Variants in PSMA6 observed in about 807,000 individuals in gnomAD.
The protein encoded by PSMA6 is proteasome subunit alpha type-6.
For synonymous variants in PSMA6, 88 were observed against 97.7 expected (o/e 0.90, Z 0.59); for missense variants, 170 against 294.8 (o/e 0.58, Z 3.10).
upstream of PSMA6, among the ~76,000 whole-genome samples, chr14:35,290,843 T>G (rs1173741671): frequency 2.6e-5 from 4 of 152,200 alleles, no homozygotes; most frequent in Non-Finnish European, 5.9e-5. Context: ...CACCTGCTCT[T>G]CTCCCGGAGC....
At chr14:35,290,015 C>T (rs748552807), upstream of PSMA6, among the ~76,000 whole-genome samples, 1 of 151,284 alleles carries the variant, frequency 6.6e-6, no homozygotes, top group Non-Finnish European at 1.5e-5. Context: ...AAAGTTTTGG[C>T]TCTGAAGACT....
intron 1 of PSMA6, among the ~76,000 whole-genome samples, chr14:35,303,632 T>C (rs530808547): frequency 2.2e-4 from 34 of 152,336 alleles, no homozygotes; most frequent in Non-Finnish European, 3.8e-4. Context: ...TGTGGAGGGC[T>C]GATCTGATAG....
intron 1 of PSMA6, among the ~76,000 whole-genome samples, chr14:35,297,069 T>C (rs1307752056): frequency 1.4e-5 from 2 of 138,472 alleles, no homozygotes. Flanking sequence ...TTATGTAGCC[T>C]ACAAGTTTAG....
At chr14:35,297,146 T>G (rs1365081300) in intron 1 of PSMA6, among the ~76,000 whole-genome samples, 1 of 141,504 alleles carries the variant, frequency 7.1e-6, no homozygotes, top group African/African-American at 2.9e-5. Flanking sequence ...TTTTTTTTTT[T>G]GCCACACAGC....
At position 35,317,446 on chromosome 14, in the gene PSMA6, T is replaced by C; in HGVS notation, c.*140T>C. 4.5e-6 allele frequency: 3 copies of C among 672,300 alleles called. No individual in the cohort carries two copies. Among genetic ancestry groups the C allele is most frequent in the Admixed American group, 5.3e-5 (2 of 37,976 alleles). The allele number at this position is 672,300 out of a possible 1,614,324, so 41.6% of individuals were successfully genotyped here. The stretch of plus-strand genomic sequence containing the variant: ...CCACCGAAGTGGTTAGGACTCTATA[T>C]AAATAAAAACAAGGCTTTTGGAAAA... On this transcript the variant is annotated 3_prime_UTR_variant, in exon 7 of 7. Transcript: ENST00000261479.
At chr14:35,293,061 A>G in intron 1 of PSMA6, 1 of 455,102 alleles carries the variant, frequency 2.2e-6, no homozygotes, top group Non-Finnish European at 4.4e-6. Context: ...TTCTATACTG[A>G]AGCTCACAGC....
At chr14:35,310,705 C>CTA in intron 3 of PSMA6, 35 bp from the exon 4 acceptor site, 1 of 1,608,792 alleles carries the variant, frequency 6.2e-7, no homozygotes, top group East Asian at 2.2e-5. Context: ...TTCTTTCCTT[C>CTA]TAACCAGGTA....
intron 1 of PSMA6, among the ~76,000 whole-genome samples, chr14:35,282,605 C>T (rs985557171): frequency 5.3e-5 from 8 of 152,024 alleles, no homozygotes; most frequent in African/African-American, 1.7e-4. Flanking sequence ...ATACTTTGCA[C>T]TTTGGGAGGT....
intron 1 of PSMA6, among the ~76,000 whole-genome samples, chr14:35,304,533 C>T (rs2051783824): frequency 6.6e-6 from 1 of 152,032 alleles, no homozygotes; most frequent in Non-Finnish European, 1.5e-5. Context: ...AGTTCAAGAC[C>T]AGCCTGGCCA....
At chr14:35,292,747 C>A in intron 1 of PSMA6, 195 bp downstream of exon 1, 1 of 1,086,630 alleles carries the variant, frequency 9.2e-7, no homozygotes, top group Non-Finnish European at 1.3e-6. Flanking sequence ...GGCCTGAAGG[C>A]CTGTCTCTGC....
At chr14:35,304,315 C>A (rs1215846972) in intron 1 of PSMA6, among the ~76,000 whole-genome samples, 1 of 152,066 alleles carries the variant, frequency 6.6e-6, no homozygotes, top group African/African-American at 2.4e-5. Context: ...TATACATAGG[C>A]GATGTGCAAA....
intron 5 of PSMA6, 59 bp downstream of exon 5, chr14:35,313,118 G>A: frequency 7.1e-7 from 1 of 1,406,692 alleles, no homozygotes; most frequent in Non-Finnish European, 9.5e-7. Flanking sequence ...GAGGATCTTT[G>A]TATAATTTCT....
chr14:35,306,847 T>C (rs910652519), intron 1 of PSMA6, among the ~76,000 whole-genome samples: 2 of 152,184 alleles, frequency 1.3e-5, no homozygotes, highest in African/African-American at 2.4e-5. Context: ...AGGTTTGTTA[T>C]AGATGGAGTC....
rs925225851 is a variant in PSMA6, at chr14:35,292,449, TTG to T, written c.-24_-23del. The T allele has an allele frequency of 1.2e-5, 20 of 1,604,648 alleles. No homozygotes were observed. Among genetic ancestry groups the T allele is most frequent in the Non-Finnish European group, 1.6e-5 (19 of 1,175,672 alleles). On this transcript the variant is annotated 5_prime_UTR_variant, in exon 1 of 7. Transcript: ENST00000261479. ...GTGCGGGAGCTACGGGGCCCAGGGATTGTGTTTAAAGTAGTGCTTCTACCAAC... is the reference window on the plus strand; with the variant it reads ...GTGCGGGAGCTACGGGGCCCAGGGATTGTTTAAAGTAGTGCTTCTACCAAC...
chr14:35,296,123 A>G (rs1224430348), intron 1 of PSMA6, among the ~76,000 whole-genome samples: 1 of 152,210 alleles, frequency 6.6e-6, no homozygotes, highest in African/African-American at 2.4e-5. Flanking sequence ...AATAAAATGT[A>G]GAAGTGTCAT....
chr14:35,290,433 A>G (rs1308621523), upstream of PSMA6, among the ~76,000 whole-genome samples: 1 of 152,232 alleles, frequency 6.6e-6, no homozygotes, highest in East Asian at 1.9e-4. Context: ...GGAACTAGCC[A>G]GTGCTGGAAA....
chr14:35,288,876 C>CAT (rs1193571565), upstream of PSMA6, among the ~76,000 whole-genome samples: 1 of 152,210 alleles, frequency 6.6e-6, no homozygotes, highest in Middle Eastern at 3.2e-3. Flanking sequence ...CAACCCATGA[C>CAT]CTGCAGGCTG....
In PSMA6 at chr14:35,313,035, T is replaced by C. The variant is rs1021012805; in HGVS notation, c.564T>C (p.Asp188=). ...AAAAAAAAGTGAAGAAGAAATTTGA[T>C]TGGACATTTGAACAGACAGTGGAAG... The part of the protein sequence containing the change: ...FLEKKVKKKF[D]WTFEQTVETA... Residue 188 remains aspartate (D), a synonymous_variant, in exon 5 of 7, where the codon GAT becomes GAC. Coordinates refer to ENST00000261479, the MANE Select transcript of PSMA6 (RefSeq NM_002791.3). 1.0e-5 allele frequency: 16 copies of C among 1,582,346 alleles called. No individual in the cohort carries two copies. In the East Asian group the frequency reaches 3.2e-4, roughly 32 times the overall value.
At chr14:35,293,023 G>T in intron 1 of PSMA6, 1 of 457,224 alleles carries the variant, frequency 2.2e-6, no homozygotes, top group Non-Finnish European at 4.4e-6. Context: ...CTAGTCCTAG[G>T]AGATACAAAT....
Sources: allele counts gnomAD v4.1 joint callset (sites outside exome capture counted in the v4.1 genomes callset), GRCh38; gene constraint gnomAD v4.1.1; transcripts MANE v1.5; gene names NCBI Gene and HGNC (gene_info 2026-07-23, HGNC 2026-07-21).